The following ZFAND1 variants were observed in gnomAD, a reference collection of about 807,000 sequenced individuals.
ZFAND1 encodes the protein AN1-type zinc finger protein 1.
Under a neutral mutation model 38.5 loss-of-function variants are expected in ZFAND1, and 40 were observed. That is an observed-to-expected ratio of 1.04 (90% confidence interval 0.81 to 1.35). ZFAND1 has a LOEUF of 1.35. Among genes scored for constraint, ZFAND1 ranks in the 40% most tolerant of loss-of-function variants. The pLI is 0.00. For synonymous variants in ZFAND1, 117 were observed against 103.6 expected (o/e 1.13, Z -0.78); for missense variants, 346 against 316.3 (o/e 1.09, Z -0.71).
At chr8:81,715,726 G>A (rs553009890) in intron 3 of ZFAND1, among the ~76,000 whole-genome samples, 14 of 151,730 alleles carry the variant, frequency 9.2e-5, no homozygotes, top group Admixed American at 2.6e-4. Flanking sequence ...ACGAGTAAAC[G>A]TAGGGAAATA....
chr8:81,714,722 C>T, intron 5 of ZFAND1, 82 bp downstream of exon 5: 2 of 1,177,372 alleles, frequency 1.7e-6, no homozygotes, highest in South Asian at 1.3e-5. Flanking sequence ...ATTAATGATG[C>T]CTCCCATAAT....
At chr8:81,710,711 G>C (rs1808115763) in intron 6 of ZFAND1, among the ~76,000 whole-genome samples, 1 of 152,060 alleles carries the variant, frequency 6.6e-6, no homozygotes, top group Non-Finnish European at 1.5e-5. Flanking sequence ...TTCACCAAAA[G>C]AAAGCTAGTG....
At chr8:81,711,682 G>A (rs923936255) in intron 6 of ZFAND1, among the ~76,000 whole-genome samples, 19 of 152,236 alleles carry the variant, frequency 1.2e-4, no homozygotes, top group African/African-American at 4.1e-4. Context: ...GAAGCAGAAT[G>A]ACTAAAGACA....
At chr8:81,706,028 A>G (rs955294994) in intron 6 of ZFAND1, among the ~76,000 whole-genome samples, 5 of 152,222 alleles carry the variant, frequency 3.3e-5, no homozygotes, top group Non-Finnish European at 7.3e-5. Context: ...AAAATTTTCC[A>G]AAAAGTCAAA....
At chr8:81,707,413 A>G (rs1053662903) in intron 6 of ZFAND1, among the ~76,000 whole-genome samples, 36 of 152,232 alleles carry the variant, frequency 2.4e-4, no homozygotes, top group African/African-American at 8.0e-4. Flanking sequence ...GTCTAAGACT[A>G]TGCTGTGCTA....
intron 6 of ZFAND1, among the ~76,000 whole-genome samples, chr8:81,705,459 G>T (rs764133301): frequency 5.9e-5 from 9 of 152,100 alleles, no homozygotes; most frequent in Non-Finnish European, 7.4e-5. Context: ...AAACATAAAA[G>T]ACATGAAGAT....
At chr8:81,718,717 C>CAT (rs143583533) in intron 1 of ZFAND1, among the ~76,000 whole-genome samples, 4,479 of 145,950 alleles carry the variant, frequency 0.031, 202 homozygotes, top group African/African-American at 0.1. Context: ...GTGTGAACAA[C>CAT]ATATATATAT....
intron 3 of ZFAND1, among the ~76,000 whole-genome samples, chr8:81,716,090 C>A (rs1321944473): frequency 1.3e-5 from 2 of 152,174 alleles, no homozygotes; most frequent in Non-Finnish European, 2.9e-5. Flanking sequence ...ATCATTTAAA[C>A]TGGAAAGAAT....
In ZFAND1 at chr8:81,701,421, T is replaced by C. The variant is rs537940626; in HGVS notation, c.*1274A>G. The stretch of plus-strand genomic sequence containing the variant: ...ATTGCACATTAAATAGACTATAGTA[T>C]AGTGTAAACATAATTTTTATATGCC... On this transcript the variant is annotated 3_prime_UTR_variant, in exon 8 of 8. Transcript: ENST00000220669. The C allele has an allele frequency of 2.6e-5, 4 of 152,010 alleles. No homozygotes were observed. The South Asian group carries it at 8.3e-4, about 32-fold the overall frequency. 9.4% of individuals were successfully genotyped at this position (152,010 alleles called of 1,614,324 possible). A position where few individuals can be genotyped will look rare whatever the true frequency, so the allele number is the denominator to read the frequency against.
intron 6 of ZFAND1, among the ~76,000 whole-genome samples, chr8:81,709,663 C>T (rs914743040): frequency 6.6e-6 from 1 of 152,024 alleles, no homozygotes; most frequent in Non-Finnish European, 1.5e-5. Flanking sequence ...AAGACACCCA[C>T]ATATATCTCT....
At chr8:81,713,789 A>C in intron 6 of ZFAND1, 129 bp downstream of exon 6, 1 of 905,914 alleles carries the variant, frequency 1.1e-6, no homozygotes, top group East Asian at 2.5e-5. Context: ...ATGCAGACAT[A>C]TACCATGCAA....
intron 6 of ZFAND1, among the ~76,000 whole-genome samples, chr8:81,704,086 G>A (rs1467153826): frequency 4.4e-5 from 6 of 135,262 alleles, no homozygotes; most frequent in African/African-American, 1.5e-4. Context: ...AGGACTTTTC[G>A]GAACAAGGAA....
In ZFAND1 at chr8:81,717,262, T is replaced by A; in HGVS notation, c.125A>T (p.His42Leu). 2 of 1,540,544 alleles carry A rather than the reference T, an allele frequency of 1.3e-6. No individual in the cohort carries two copies. The highest frequency in any genetic ancestry group is 1.7e-6 in the Non-Finnish European group (2 of 1,151,780). The change falls in exon 3 of 8, where the codon CAT (histidine) becomes CTT (leucine). Residue 42 changes from histidine to leucine, a missense_variant. Transcript: ENST00000220669. ...ATACTAACATACCTCAGGACAACCA[T>A]GAGACTCCCTGCTTCTGTGTTCAAG... The part of the protein sequence containing the change: ...FCLEHRSRES[H>L]GCPEVTVINE...
At chr8:81,713,111 T>G (rs1050704816) in intron 6 of ZFAND1, among the ~76,000 whole-genome samples, 4 of 124,408 alleles carry the variant, frequency 3.2e-5, no homozygotes, top group African/African-American at 1.2e-4. Context: ...TTTTGTTTGT[T>G]CGTTTGTTTG....
At position 81,702,555 on chromosome 8, in the gene ZFAND1, T is replaced by C. The variant is rs1166742746; in HGVS notation, c.*140A>G. 2 of 689,460 alleles carry C rather than the reference T, an allele frequency of 2.9e-6. No homozygotes were observed. Among genetic ancestry groups the C allele is most frequent in the African/African-American group, 3.8e-5 (2 of 53,220 alleles). 42.7% of individuals were successfully genotyped at this position (689,460 alleles called of 1,614,324 possible). A position where few individuals can be genotyped will look rare whatever the true frequency, so the allele number is the denominator to read the frequency against. Reference sequence around the variant, plus strand: ...CCAAAAAACTCTAATAGAAAACTCATAATTTAAAATGTGACATAAGGGGAA... The same window carrying C: ...CCAAAAAACTCTAATAGAAAACTCACAATTTAAAATGTGACATAAGGGGAA... On this transcript the variant is annotated 3_prime_UTR_variant, in exon 8 of 8. Transcript: ENST00000220669.
At position 81,701,710 on chromosome 8, in the gene ZFAND1, A is replaced by G. The variant is rs1266755176; in HGVS notation, c.*985T>C. On this transcript the variant is annotated 3_prime_UTR_variant, in exon 8 of 8. Transcript: ENST00000220669. ...AAAATAATATGAAGAATTAGAAAGG[A>G]AATAAACCAAATGAGCATTCCAAAT... 4 of 152,246 alleles carry G rather than the reference A, an allele frequency of 2.6e-5. No homozygotes were observed. The highest frequency in any genetic ancestry group is 5.9e-5 in the Non-Finnish European group (4 of 68,038). The allele number at this position is 152,246 out of a possible 1,614,324, so 9.4% of individuals were successfully genotyped here.
intron 6 of ZFAND1, among the ~76,000 whole-genome samples, chr8:81,710,351 A>G (rs1042071237): frequency 1.3e-5 from 2 of 152,244 alleles, no homozygotes; most frequent in Non-Finnish European, 2.9e-5. Flanking sequence ...TTTTAAAAAA[A>G]TCAAACAAAA....
Position 81,712,740 on chromosome 8 carries a change from A to G in ZFAND1, c.480+1178T>C, listed in dbSNP as rs536122158. 3.3e-5 allele frequency among the ~76,000 whole-genome samples: 5 copies of G among 152,340 alleles called. No homozygotes were observed. In the East Asian group the frequency reaches 9.6e-4, roughly 29 times the overall value. On this transcript the variant is annotated intron_variant, in intron 6 of 7. Coordinates refer to ENST00000220669, the MANE Select transcript of ZFAND1 (RefSeq NM_024699.3). ...AAACCTTAAGAAAAGTTGGGAAGATATACCACAGACATAGATGAGAAGAGT... is the reference window on the plus strand; with the variant it reads ...AAACCTTAAGAAAAGTTGGGAAGATGTACCACAGACATAGATGAGAAGAGT...
chr8:81,713,255 T>TGC (rs1563607650), intron 6 of ZFAND1, among the ~76,000 whole-genome samples: 5 of 99,840 alleles, frequency 5.0e-5, no homozygotes, highest in South Asian at 3.5e-4. Context: ...CCCGAGTAGC[T>TGC]GGGACTACAG....
Sources: gnomAD v4.1 joint callset for allele counts (sites outside exome capture counted in the v4.1 genomes callset) on GRCh38, gnomAD v4.1.1 for gene constraint, MANE v1.5 for transcripts, NCBI Gene and HGNC (gene_info 2026-07-23, HGNC 2026-07-21) for gene names.